The following NTN4 variants were observed in gnomAD, a reference collection of about 807,000 sequenced individuals.
The protein encoded by NTN4 is netrin-4.
In NTN4, 32 loss-of-function variants were observed where a neutral mutation model predicts 73.6. That is an observed-to-expected ratio of 0.44 (90% CI 0.33 to 0.58). The LOEUF is 0.58. Among genes scored for constraint, NTN4 ranks in the 20% least tolerant of loss-of-function variants. The probability of loss-of-function intolerance (pLI) is 0.04; values close to 1 mark genes in which losing one functional copy is unlikely to be tolerated. For missense variants in NTN4, 654 were observed against 798.3 expected (o/e 0.82, Z 2.18); for synonymous variants, 258 against 287.5 (o/e 0.90, Z 1.04).
intron 7 of NTN4, among the ~76,000 whole-genome samples, chr12:95,682,422 T>TC (rs970682745): frequency 1.2e-4 from 13 of 108,862 alleles, no homozygotes; most frequent in Non-Finnish European, 2.3e-4. Context: ...TTGGGTGACC[T>TC]CTTTTTTTTT....
At chr12:95,753,913 A>C (rs1248207713) in intron 2 of NTN4, among the ~76,000 whole-genome samples, 1 of 152,128 alleles carries the variant, frequency 6.6e-6, no homozygotes, top group Admixed American at 6.5e-5. Context: ...TCTTCTGTCT[A>C]GTCATACTCC....
rs181361388 is a variant in NTN4 at position 95,759,499 on chromosome 12, T to G, written c.586-21355A>C. Among the ~76,000 whole-genome samples the G allele has an allele frequency of 8.3e-3, 1,256 of 151,244 alleles. 11 individuals carry two copies. Among genetic ancestry groups the G allele is most frequent in the Middle Eastern group, 0.058 (17 of 294 alleles). On this transcript the variant is annotated intron_variant, in intron 2 of 9. Coordinates refer to ENST00000343702, the MANE Select transcript of NTN4 (RefSeq NM_021229.4). Reference sequence around the variant, plus strand: ...TCCCTAGTAGTATTTTTGTTTTTTTTTTTTTTTGAGATGGGGTCTTGCTCT... The same window carrying G: ...TCCCTAGTAGTATTTTTGTTTTTTTGTTTTTTTGAGATGGGGTCTTGCTCT...
chr12:95,761,340 T>TC (rs1555220937), intron 2 of NTN4, among the ~76,000 whole-genome samples: 1 of 146,186 alleles, frequency 6.8e-6, no homozygotes, highest in African/African-American at 2.5e-5. Context: ...TTTTTTTTTT[T>TC]CCCCAAGACG....
chr12:95,675,420 G>A (rs1236121559), intron 7 of NTN4, among the ~76,000 whole-genome samples: 4 of 152,126 alleles, frequency 2.6e-5, no homozygotes, highest in Non-Finnish European at 5.9e-5. Flanking sequence ...TTTAGGTGGC[G>A]GGTATGTGAA....
rs1366021526 is a variant in NTN4 at position 95,686,866 on chromosome 12, CA to C, written c.1181-3156del. On this transcript the variant is annotated intron_variant, in intron 5 of 9. Coordinates refer to ENST00000343702, the MANE Select transcript of NTN4 (RefSeq NM_021229.4). Reference sequence around the variant, plus strand: ...GTGCATCTTTTTAAAATAAATTTTTCATAAATAAATTGTGGTAAGAAACACA... The same window carrying C: ...GTGCATCTTTTTAAAATAAATTTTTCTAAATAAATTGTGGTAAGAAACACA... Among the ~76,000 whole-genome samples the C allele has an allele frequency of 3.9e-5, 6 of 152,278 alleles. No individual in the cohort carries two copies. In the South Asian group the frequency reaches 1.0e-3, roughly 26 times the overall value.
rs533107640 is a variant in NTN4 at position 95,781,081 on chromosome 12, T to C, written c.585+5858A>G. On this transcript the variant is annotated intron_variant, in intron 2 of 9. Coordinates refer to ENST00000343702, the MANE Select transcript of NTN4 (RefSeq NM_021229.4). This position sits in a 1 kb window ranked among gnomAD's most constrained non-coding sequence, Gnocchi z 4.1. Reference sequence around the variant, plus strand: ...AACAAACACTGCATGTTCTCACTTATAGGTGGGAATTGAACAATGAGAACA... The same window carrying C: ...AACAAACACTGCATGTTCTCACTTACAGGTGGGAATTGAACAATGAGAACA... 1.2e-4 allele frequency among the ~76,000 whole-genome samples: 18 copies of C among 152,132 alleles called. No individual in the cohort carries two copies. The East Asian group carries it at 2.9e-3, about 25-fold the overall frequency.
chr12:95,683,778 G>A (rs1300787020), intron 5 of NTN4, 67 bp from the exon 6 acceptor site: 7 of 1,304,940 alleles, frequency 5.4e-6, no homozygotes, highest in Non-Finnish European at 7.5e-6. Flanking sequence ...CATTAGGCTT[G>A]ACCATCCCCA....
intron 2 of NTN4, among the ~76,000 whole-genome samples, chr12:95,775,805 T>A (rs909325466): frequency 1.3e-5 from 2 of 152,210 alleles, no homozygotes; most frequent in Admixed American, 1.3e-4. Flanking sequence ...GACTTAAATG[T>A]CCCTGTCTGA....
At position 95,705,085 on chromosome 12, in the gene NTN4, A is replaced by C. The variant is rs1397864208; in HGVS notation, c.1180+5356T>G. 4.6e-5 allele frequency among the ~76,000 whole-genome samples: 7 copies of C among 152,344 alleles called. 1 individual carries two copies. The East Asian group carries it at 1.3e-3, about 29-fold the overall frequency. On this transcript the variant is annotated intron_variant, in intron 5 of 9. Coordinates refer to ENST00000343702, the MANE Select transcript of NTN4 (RefSeq NM_021229.4). ...TCAGTAGCCAGATGTAGCTGAATCCATAACAACATATAAGGGGATCAGAAA... is the reference window on the plus strand; with the variant it reads ...TCAGTAGCCAGATGTAGCTGAATCCCTAACAACATATAAGGGGATCAGAAA...
intron 5 of NTN4, among the ~76,000 whole-genome samples, chr12:95,689,394 T>C (rs1040433553): frequency 1.3e-5 from 2 of 152,218 alleles, no homozygotes; most frequent in South Asian, 2.1e-4. Flanking sequence ...TTCTAATTAA[T>C]TAGGACAATT....
chr12:95,663,458 T>C (rs1241639895), intron 9 of NTN4: 1 of 152,220 alleles, frequency 6.6e-6, no homozygotes, highest in African/African-American at 2.4e-5. Flanking sequence ...TTAGTGCTAG[T>C]TTTGGTGTTC....
intron 5 of NTN4, among the ~76,000 whole-genome samples, chr12:95,700,080 ATTTTTTTT>A (rs56063223): frequency 7.2e-4 from 30 of 41,814 alleles, no homozygotes; most frequent in Non-Finnish European, 9.4e-4. Flanking sequence ...TAAAGTGAGG[ATTTTTTTT>A]TTTTTTTTTT....
At chr12:95,664,718 T>C (rs1003078821) in intron 9 of NTN4, among the ~76,000 whole-genome samples, 3 of 152,106 alleles carry the variant, frequency 2.0e-5, no homozygotes, top group African/African-American at 7.2e-5. Flanking sequence ...GTTCAAGTGA[T>C]TCTCCTGCCT....
chr12:95,691,768 A>G (rs952887215), intron 5 of NTN4, among the ~76,000 whole-genome samples: 2 of 152,088 alleles, frequency 1.3e-5, no homozygotes, highest in African/African-American at 4.8e-5. Flanking sequence ...TCTTTTCGTT[A>G]TAATTTTTAG....
chr12:95,745,252 CTCCCT>C (rs1270909777), intron 2 of NTN4, among the ~76,000 whole-genome samples: 1 of 152,152 alleles, frequency 6.6e-6, no homozygotes, highest in Non-Finnish European at 1.5e-5. Flanking sequence ...TTCCCCTCCT[CTCCCT>C]TCTTTCCTTT....
At chr12:95,702,518 A>G (rs2078492864) in intron 5 of NTN4, among the ~76,000 whole-genome samples, 1 of 152,184 alleles carries the variant, frequency 6.6e-6, no homozygotes, top group African/African-American at 2.4e-5. Context: ...TGTTACCTAC[A>G]TTGAAGTGCT....
At chr12:95,744,461 T>C (rs2078847548) in intron 2 of NTN4, among the ~76,000 whole-genome samples, 1 of 152,210 alleles carries the variant, frequency 6.6e-6, no homozygotes, top group Admixed American at 6.5e-5. Flanking sequence ...TATTATAATC[T>C]ATGCCTTTAA....
chr12:95,725,225 C>T (rs1026402181), intron 3 of NTN4, among the ~76,000 whole-genome samples: 5 of 151,886 alleles, frequency 3.3e-5, no homozygotes, highest in African/African-American at 4.8e-5. Flanking sequence ...TGGGAAACTG[C>T]GTGAAAGCAA....
At chr12:95,785,635 A>T (rs894341067) in intron 2 of NTN4, among the ~76,000 whole-genome samples, 1 of 152,174 alleles carries the variant, frequency 6.6e-6, no homozygotes, top group African/African-American at 2.4e-5. Context: ...GGAGGCCCCA[A>T]ACCAACCTTT....
Sources: gnomAD v4.1 joint callset for allele counts (sites outside exome capture counted in the v4.1 genomes callset) on GRCh38, gnomAD v4.1.1 for gene constraint, Gnocchi (gnomAD v3.1) non-coding constraint, MANE v1.5 for transcripts, NCBI Gene and HGNC (gene_info 2026-07-23, HGNC 2026-07-21) for gene names.